Variants in POM121 observed in about 807,000 individuals in gnomAD.
The protein encoded by POM121 is nuclear envelope pore membrane protein POM 121.
In POM121, 32 loss-of-function variants were observed where a neutral mutation model predicts 81.3. The ratio of observed to expected loss-of-function variants is 0.39; its 90% CI spans 0.30 to 0.53. The LOEUF is 0.53. Ranked by LOEUF, POM121 falls within the 20% of genes least tolerant of loss-of-function variation. The probability of loss-of-function intolerance (pLI) is 0.66; values close to 1 mark genes in which losing one functional copy is unlikely to be tolerated. For synonymous variants in POM121, 514 were observed against 694.2 expected (o/e 0.74, Z 4.08); for missense variants, 1,138 against 1,614.6 (o/e 0.70, Z 5.06).
chr7:72,890,800 A>G, intron 2 of POM121: 2 of 1,572,746 alleles, frequency 1.3e-6, no homozygotes, highest in Non-Finnish European at 1.7e-6. Flanking sequence ...ATGGGGTTTT[A>G]TGCTTGAGTT....
In POM121 at chr7:72,925,574, C is replaced by A. The variant is rs782284172; in HGVS notation, c.453C>A (p.Ala151=). The change falls in exon 1 of 13, where the codon GCC becomes GCA. Residue 151 remains alanine, a synonymous_variant. Coordinates refer to ENST00000434423, the MANE Select transcript of POM121 (RefSeq NM_001387691.1). The part of the protein sequence containing the change: ...LGKPGPPQPA[A]APEGQDLRDR... The stretch of plus-strand genomic sequence containing the variant: ...AGCCCGGGCCGCCGCAGCCCGCCGC[C>A]GCTCCGGAGGGCCAGGACCTGCGGG... 1 of 1,531,552 alleles carries A rather than the reference C, an allele frequency of 6.5e-7. No homozygotes were observed. Among genetic ancestry groups the A allele is most frequent in the Admixed American group, 2.0e-5 (1 of 50,814 alleles). 94.9% of individuals were successfully genotyped at this position (1,531,552 alleles called of 1,614,324 possible).
chr7:72,888,702 G>GTA (rs1389485288), intron 1 of POM121, among the ~76,000 whole-genome samples: 31 of 149,912 alleles, frequency 2.1e-4, no homozygotes, highest in Non-Finnish European at 3.1e-4. Context: ...GTGTGTGTGT[G>GTA]TATACACACA....
chr7:72,936,367 C>G (rs1203211922), intron 5 of POM121, among the ~76,000 whole-genome samples: 1 of 150,932 alleles, frequency 6.6e-6, no homozygotes, highest in Non-Finnish European at 1.5e-5. Flanking sequence ...CGGAGTCTTG[C>G]TCTGTCTCCC....
At chr7:72,949,453 G>A, downstream of POM121, 9 of 1,583,648 alleles carry the variant, frequency 5.7e-6, no homozygotes, top group Non-Finnish European at 7.8e-6. Flanking sequence ...GGCCATGGAT[G>A]CCAGCCGCCT....
At chr7:72,881,227 G>A (rs1790128109) in intron 1 of POM121, among the ~76,000 whole-genome samples, 1 of 151,954 alleles carries the variant, frequency 6.6e-6, no homozygotes, top group South Asian at 2.1e-4. Context: ...ACTATGCCTG[G>A]CTAATTTTTT....
intron 3 of POM121, among the ~76,000 whole-genome samples, chr7:72,911,808 C>T (rs1554494310): frequency 6.6e-6 from 1 of 152,242 alleles, no homozygotes; most frequent in African/African-American, 2.4e-5. Context: ...CTAGTTTTGA[C>T]ATAACCTCAG....
intron 1 of POM121, among the ~76,000 whole-genome samples, chr7:72,883,694 C>T (rs1790391724): frequency 6.6e-6 from 1 of 151,510 alleles, no homozygotes; most frequent in Non-Finnish European, 1.5e-5. Context: ...ATCTGGAAGT[C>T]TAATCAGGTT....
At chr7:72,944,765 T>C (rs1797498654) in intron 11 of POM121, among the ~76,000 whole-genome samples, 1 of 150,710 alleles carries the variant, frequency 6.6e-6, no homozygotes, top group Non-Finnish European at 1.5e-5. Context: ...GTGGTGACAG[T>C]GTGGCTGCAG....
downstream of POM121, chr7:72,950,252 T>C (rs183582831): frequency 8.9e-4 from 1,364 of 1,539,638 alleles, 2 homozygotes; most frequent in African/African-American, 0.014. Context: ...TGCCAGGCCC[T>C]ATTTCAACGG....
intron 5 of POM121, among the ~76,000 whole-genome samples, chr7:72,932,777 C>T (rs555765586): frequency 4.7e-4 from 71 of 151,938 alleles, no homozygotes; most frequent in Non-Finnish European, 6.2e-4. Context: ...CTAAGACAGG[C>T]GTGGCAGCTC....
At chr7:72,949,031 C>T (rs782045289), downstream of POM121, 5 of 1,613,388 alleles carry the variant, frequency 3.1e-6, no homozygotes, top group South Asian at 4.4e-5. Context: ...TGCTGGAACC[C>T]TGCCAGGGCA....
upstream of POM121, chr7:72,924,975 T>C (rs1795204635): frequency 1.5e-6 from 2 of 1,295,980 alleles, no homozygotes; most frequent in East Asian, 6.3e-5. Context: ...GCAGGCGGCA[T>C]TTTCCAAACC....
chr7:72,903,173 C>A (rs1405736167), intron 3 of POM121, among the ~76,000 whole-genome samples: 1 of 152,160 alleles, frequency 6.6e-6, no homozygotes, highest in Admixed American at 6.5e-5. Flanking sequence ...TAGTGCCTCA[C>A]GCCTGTAATC....
intron 10 of POM121, 86 bp from the exon 11 acceptor site, chr7:72,941,751 G>GT (rs1244364957): frequency 6.6e-7 from 1 of 1,511,662 alleles, no homozygotes; most frequent in Non-Finnish European, 9.0e-7. Flanking sequence ...AGGCTCTGTG[G>GT]TAGGCGTGGG....
At chr7:72,944,645 G>A (rs1797480416) in intron 11 of POM121, among the ~76,000 whole-genome samples, 1 of 152,154 alleles carries the variant, frequency 6.6e-6, no homozygotes, top group Non-Finnish European at 1.5e-5. Context: ...CAGCAGGAGG[G>A]GCAGCGGGTC....
chr7:72,933,714 T>G lies in POM121; in HGVS notation c.1275+3603T>G, dbSNP rs539851670. On this transcript the variant is annotated intron_variant, in intron 5 of 12. Transcript: ENST00000434423. Reference sequence around the variant, plus strand: ...CCCTTTGATCAAGCAGCTTTACCTTTAGGAAGTTATCCTACACACATACTG... The same window carrying G: ...CCCTTTGATCAAGCAGCTTTACCTTGAGGAAGTTATCCTACACACATACTG... 5.7e-3 allele frequency among the ~76,000 whole-genome samples: 874 copies of G among 152,356 alleles called. 10 individuals are homozygous for G. Among genetic ancestry groups the G allele is most frequent in the African/African-American group, 0.02 (851 of 41,576 alleles).
rs1797262054 is a variant in POM121 at position 72,942,992 on chromosome 7, C to T, written c.2999C>T (p.Ser1000Phe). 8 of 1,613,030 alleles carry T rather than the reference C, an allele frequency of 5.0e-6. No homozygotes were observed. The highest frequency in any genetic ancestry group is 6.8e-6 in the Non-Finnish European group (8 of 1,179,718). ...SFGSSFTFGN[S>F]AAPAAAPTPA... ...GGCAGCTCTTTCACTTTTGGAAACT[C>T]TGCAGCCCCGGCTGCTGCACCCACA... is the stretch of plus-strand genomic sequence containing the variant. Residue 1000 changes from serine to phenylalanine, a missense_variant, in exon 11 of 13, where the codon TCT (serine) becomes TTT (phenylalanine). Transcript: ENST00000434423.
rs782590787 is a variant in POM121, at chr7:72,926,798, G to A, written c.861-4G>A. On this transcript the variant is annotated splice_region_variant and splice_polypyrimidine_tract_variant and intron_variant, in intron 2 of 12. Transcript: ENST00000434423. ...TACAGCTAGAATCTTGTCTTTCATTGTAGACCAGAGCAGATAATCAGCTCA... is the reference window on the plus strand; with the variant it reads ...TACAGCTAGAATCTTGTCTTTCATTATAGACCAGAGCAGATAATCAGCTCA... 1.5e-5 allele frequency: 24 copies of A among 1,613,008 alleles called. No homozygotes were observed. The African/African-American group carries it at 1.7e-4, about 12-fold the overall frequency.
At chr7:72,927,037 A>G (rs537709798) in intron 3 of POM121, 74 bp downstream of exon 3, 137 of 1,609,076 alleles carry the variant, frequency 8.5e-5, no homozygotes, top group South Asian at 3.9e-4. Flanking sequence ...ACATTCCCAT[A>G]TAGATACAGA....
Sources: gnomAD v4.1 joint callset for allele counts (sites outside exome capture counted in the v4.1 genomes callset) on GRCh38, gnomAD v4.1.1 for gene constraint, MANE v1.5 for transcripts, NCBI Gene and HGNC (gene_info 2026-07-23, HGNC 2026-07-21) for gene names.